CTNNA3: variants seen among roughly 807,000 people sequenced by gnomAD.
CTNNA3 encodes catenin alpha 3.
In CTNNA3, 76 loss-of-function variants were observed where a neutral mutation model predicts 95.7. The observed-to-expected ratio is 0.79, with a 90% CI of 0.66 to 0.96. The LOEUF is 0.96. Ranked by LOEUF, CTNNA3 falls within the 40% of genes least tolerant of loss-of-function variation. CTNNA3 has a pLI of 0.00. For missense variants in CTNNA3, 1,191 were observed against 1,089.8 expected, an observed-to-expected ratio of 1.09 and a Z score of -1.31; for synonymous variants, 431 against 374.4, an observed-to-expected ratio of 1.15 and a Z score of -1.74.
At chr10:66,112,351 A>G (rs1299953264) in intron 13 of CTNNA3, among the ~76,000 whole-genome samples, 1 of 152,172 alleles carries the variant, frequency 6.6e-6, no homozygotes, top group African/African-American at 2.4e-5. Flanking sequence ...TATTTGTCAA[A>G]ATCAAGAATT....
chr10:65,992,730 G>A (rs542630929), intron 15 of CTNNA3, among the ~76,000 whole-genome samples: 1 of 151,840 alleles, frequency 6.6e-6, no homozygotes, highest in South Asian at 2.1e-4. Context: ...TTTAGTCTCT[G>A]TATCATTTAG....
intron 12 of CTNNA3, among the ~76,000 whole-genome samples, chr10:66,357,763 G>T (rs1271568332): frequency 6.6e-6 from 1 of 152,102 alleles, no homozygotes; most frequent in Admixed American, 6.6e-5. Context: ...GTACGCATGT[G>T]TAAGTTTTTG....
chr10:66,647,667 C>T (rs941915170), intron 9 of CTNNA3, among the ~76,000 whole-genome samples: 1 of 137,226 alleles, frequency 7.3e-6, no homozygotes, highest in Non-Finnish European at 1.6e-5. Context: ...CCTGCCACCA[C>T]GCCCAGCTAA....
intron 7 of CTNNA3, among the ~76,000 whole-genome samples, chr10:66,857,550 T>C (rs7893349): frequency 0.17 from 25,953 of 152,048 alleles, 2,484 homozygotes; most frequent in African/African-American, 0.24. Context: ...GCATAGGATG[T>C]TTTTCCATTT....
At chr10:66,652,080 G>A (rs1430041766) in intron 9 of CTNNA3, among the ~76,000 whole-genome samples, 4 of 102,002 alleles carry the variant, frequency 3.9e-5, no homozygotes, top group African/African-American at 7.4e-5. Flanking sequence ...ATAAACAAAT[G>A]TTACACCTCA....
intron 7 of CTNNA3, among the ~76,000 whole-genome samples, chr10:67,093,787 GTTTA>G (rs1311619842): frequency 6.6e-6 from 1 of 151,924 alleles, no homozygotes; most frequent in Admixed American, 6.6e-5. Context: ...TTTAGATTTA[GTTTA>G]TTTGAAACAT....
At chr10:67,113,339 C>T (rs1352134489) in intron 7 of CTNNA3, among the ~76,000 whole-genome samples, 1 of 152,054 alleles carries the variant, frequency 6.6e-6, no homozygotes, top group Admixed American at 6.6e-5. Flanking sequence ...ATCCCTGACT[C>T]ATCTTTTAAA....
chr10:67,398,126 C>A (rs1387323964), intron 5 of CTNNA3, among the ~76,000 whole-genome samples: 1 of 152,196 alleles, frequency 6.6e-6, no homozygotes, highest in Non-Finnish European at 1.5e-5. Flanking sequence ...GTCCTCCAGA[C>A]CCCAGAATGG....
intron 2 of CTNNA3, among the ~76,000 whole-genome samples, chr10:67,646,431 A>G (rs1163566095): frequency 6.6e-6 from 1 of 152,060 alleles, no homozygotes; most frequent in East Asian, 1.9e-4. Flanking sequence ...TAAGACTGCC[A>G]AAGTTAACTA....
chr10:66,386,378 C>A (rs1390174408), intron 11 of CTNNA3, among the ~76,000 whole-genome samples: 1 of 152,068 alleles, frequency 6.6e-6, no homozygotes, highest in African/African-American at 2.4e-5. Context: ...CCTAGGAATC[C>A]AACTTACAAG....
At chr10:66,644,256 GTCTC>G (rs1845613680) in intron 9 of CTNNA3, among the ~76,000 whole-genome samples, 2 of 130,250 alleles carry the variant, frequency 1.5e-5, no homozygotes, top group Non-Finnish European at 1.6e-5. Flanking sequence ...AAGAGACTTG[GTCTC>G]TCTGTCTGTC....
intron 9 of CTNNA3, among the ~76,000 whole-genome samples, chr10:66,750,496 G>T (rs944751804): frequency 6.6e-6 from 1 of 152,094 alleles, no homozygotes; most frequent in African/African-American, 2.4e-5. Flanking sequence ...TAATGCTTTT[G>T]CTCCTTTGTC....
rs140500311 is a variant in CTNNA3, at chr10:67,226,343, C to G, written c.580-6473G>C. Among the ~76,000 whole-genome samples, 1,977 of 152,238 alleles carry G rather than the reference C, an allele frequency of 0.013. 124 individuals carry two copies. The East Asian group carries it at 0.19, about 15-fold the overall frequency. ...AAACTTCCCCAGCCTTGCTAGAGAC[C>G]TAGACATCCAATTACAAGAAACACA... On this transcript the variant is annotated intron_variant, in intron 5 of 17. Transcript: ENST00000433211.
In CTNNA3 at chr10:66,022,275, C is replaced by G. The variant is rs534269459; in HGVS notation, c.2160-33478G>C. Reference sequence around the variant, plus strand: ...TTCTCCTCACTTTCAAATTACTTCTCAAATAAATAGCAAAATCTCCAGTAG... The same window carrying G: ...TTCTCCTCACTTTCAAATTACTTCTGAAATAAATAGCAAAATCTCCAGTAG... On this transcript the variant is annotated intron_variant, in intron 15 of 17. Coordinates refer to ENST00000433211, the MANE Select transcript of CTNNA3 (RefSeq NM_013266.4). 2.4e-3 allele frequency among the ~76,000 whole-genome samples: 370 copies of G among 152,216 alleles called. 1 individual carries two copies. The highest frequency in any genetic ancestry group is 8.3e-3 in the African/African-American group (346 of 41,528).
chr10:66,031,816 T>A (rs536419986), intron 15 of CTNNA3, among the ~76,000 whole-genome samples: 1 of 152,218 alleles, frequency 6.6e-6, no homozygotes, highest in Non-Finnish European at 1.5e-5. Flanking sequence ...CAGAAAAGGA[T>A]TAAAAATGGC....
At position 65,913,236 on chromosome 10, in the gene CTNNA3, A is replaced by G. The variant is rs1264565639; in HGVS notation, c.*7094T>C. On this transcript the variant is annotated 3_prime_UTR_variant, in exon 18 of 18. Coordinates refer to ENST00000433211, the MANE Select transcript of CTNNA3 (RefSeq NM_013266.4). ...AATGATTTTTTTCCCCCAAGTTGCTATGAAACTAAAACCATAATCAAAATG... is the reference window on the plus strand; with the variant it reads ...AATGATTTTTTTCCCCCAAGTTGCTGTGAAACTAAAACCATAATCAAAATG... 2 of 152,114 alleles carry G rather than the reference A, an allele frequency of 1.3e-5. No individual in the cohort carries two copies. Among genetic ancestry groups the G allele is most frequent in the Non-Finnish European group, 2.9e-5 (2 of 68,016 alleles). The allele number at this position is 152,114 out of a possible 1,614,324, so 9.4% of individuals were successfully genotyped here.
chr10:66,480,889 C>T (rs1335710875), intron 11 of CTNNA3, among the ~76,000 whole-genome samples: 6 of 152,158 alleles, frequency 3.9e-5, no homozygotes, highest in African/African-American at 1.2e-4. Flanking sequence ...AGGCGTGAGC[C>T]ACCATGCCTG....
At chr10:66,844,385 C>T (rs1236464898) in intron 7 of CTNNA3, among the ~76,000 whole-genome samples, 1 of 152,108 alleles carries the variant, frequency 6.6e-6, no homozygotes, top group African/African-American at 2.4e-5. Flanking sequence ...AACAGAGTAG[C>T]CTATTGATTG....
intron 3 of CTNNA3, among the ~76,000 whole-genome samples, chr10:67,553,336 T>G (rs1029031693): frequency 6.6e-6 from 1 of 152,182 alleles, no homozygotes; most frequent in African/African-American, 2.4e-5. Context: ...ACATACTAAC[T>G]GGTACTTTGA....
Sources: gnomAD v4.1 joint callset for allele counts (sites outside exome capture counted in the v4.1 genomes callset) on GRCh38, gnomAD v4.1.1 for gene constraint, MANE v1.5 for transcripts, NCBI Gene and HGNC (gene_info 2026-07-23, HGNC 2026-07-21) for gene names.